Variants in IFT46 observed in about 807,000 individuals in gnomAD.
IFT46 encodes the protein intraflagellar transport protein 46 homolog.
In IFT46, 19 loss-of-function variants were observed where a neutral mutation model predicts 39.6. That is an observed-to-expected ratio of 0.48 (90% CI 0.33 to 0.70). The LOEUF (loss-of-function observed/expected upper bound fraction) is 0.70, where lower values mean the gene tolerates loss of function less well. Ranked by LOEUF, IFT46 falls within the 30% of genes least tolerant of loss-of-function variation. The pLI is 0.01. For missense variants in IFT46, 334 were observed against 364.8 expected, an observed-to-expected ratio of 0.92 and a Z score of 0.69; for synonymous variants, 117 against 134.8, an observed-to-expected ratio of 0.87 and a Z score of 0.91.
At chr11:118,563,538 T>C (rs1159066979) in intron 2 of IFT46, among the ~76,000 whole-genome samples, 1 of 152,196 alleles carries the variant, frequency 6.6e-6, no homozygotes, top group African/African-American at 2.4e-5. Context: ...TCTGCGACAA[T>C]GTCTTATACC....
At chr11:118,546,486 T>TAA (rs373375710) in intron 9 of IFT46, 4,821 of 212,788 alleles carry the variant, frequency 0.023, 235 homozygotes, top group African/African-American at 0.1. Context: ...TAATACCCTG[T>TAA]AAAAAAAAAG....
At chr11:118,559,958 T>C (rs1937980637) in intron 2 of IFT46, 94 bp from the exon 3 acceptor site, 1 of 717,698 alleles carries the variant, frequency 1.4e-6, no homozygotes, top group Non-Finnish European at 2.4e-6. Context: ...CTAACCATTT[T>C]ATAAAACAAG....
chr11:118,558,150 CA>C (rs782367316), intron 3 of IFT46, among the ~76,000 whole-genome samples: 1 of 152,158 alleles, frequency 6.6e-6, no homozygotes, highest in Non-Finnish European at 1.5e-5. Flanking sequence ...ATATGCATGG[CA>C]GATAATGAAA....
intron 9 of IFT46, among the ~76,000 whole-genome samples, chr11:118,547,744 C>CTTTTTTTTTTTTTTT (rs1233612951): frequency 9.9e-5 from 9 of 91,190 alleles, no homozygotes; most frequent in African/African-American, 2.3e-4. Flanking sequence ...CTTTTCTTTT[C>CTTTTTTTTTTTTTTT]TTTTTTTTTT....
At chr11:118,575,941 T>C (rs1048071519), upstream of IFT46, among the ~76,000 whole-genome samples, 1 of 151,950 alleles carries the variant, frequency 6.6e-6, no homozygotes, top group Admixed American at 6.6e-5. Flanking sequence ...GGGTATAAAA[T>C]GGAAGTATTG....
chr11:118,571,695 C>A (rs1938339278), intron 1 of IFT46, among the ~76,000 whole-genome samples: 1 of 152,188 alleles, frequency 6.6e-6, no homozygotes, highest in Non-Finnish European at 1.5e-5. Context: ...CTATTCAAAT[C>A]TTTTGCTCAT....
At chr11:118,574,657 A>G (rs1253020170), upstream of IFT46, among the ~76,000 whole-genome samples, 7 of 152,244 alleles carry the variant, frequency 4.6e-5, no homozygotes, top group African/African-American at 9.6e-5. Context: ...AGAATGTCCT[A>G]GACTGCAAAG....
At chr11:118,571,131 T>C (rs10892243) in intron 1 of IFT46, among the ~76,000 whole-genome samples, 25,160 of 152,094 alleles carry the variant, frequency 0.17, 2,656 homozygotes, top group East Asian at 0.53. Flanking sequence ...CCCCTGGAAA[T>C]CACTAAGCTA....
rs574482897 is a variant in IFT46, at chr11:118,558,538, C to T, written c.45+1247G>A. ...TGAACCCTGGAGGCGGAGGTTGCAG[C>T]GAGCTGAGGTCATGCCACTACACTC... is the stretch of plus-strand genomic sequence containing the variant. On this transcript the variant is annotated intron_variant, in intron 3 of 11. Coordinates refer to ENST00000264021, the MANE Select transcript of IFT46 (RefSeq NM_001168618.2). 6.0e-5 allele frequency among the ~76,000 whole-genome samples: 9 copies of T among 150,600 alleles called. No individual in the cohort carries two copies. The East Asian group carries it at 1.0e-3, about 17-fold the overall frequency.
intron 9 of IFT46, 111 bp from the exon 10 acceptor site, chr11:118,545,964 T>C (rs1555067041): frequency 2.3e-6 from 2 of 875,680 alleles, no homozygotes; most frequent in Non-Finnish European, 3.9e-6. Context: ...GGTTATGGGC[T>C]GAAATGTGTT....
chr11:118,563,681 C>T (rs1938136843), intron 2 of IFT46, among the ~76,000 whole-genome samples: 1 of 152,190 alleles, frequency 6.6e-6, no homozygotes, highest in Non-Finnish European at 1.5e-5. Flanking sequence ...TATTGTGCTT[C>T]CTGCCCTACC....
At chr11:118,555,785 T>G (rs1166462101) in intron 4 of IFT46, among the ~76,000 whole-genome samples, 1 of 151,862 alleles carries the variant, frequency 6.6e-6, no homozygotes, top group Admixed American at 6.6e-5. Flanking sequence ...TAGCCAGGTG[T>G]GGTGGTGCAC....
At chr11:118,562,548 T>C (rs979394775) in intron 2 of IFT46, among the ~76,000 whole-genome samples, 1 of 152,042 alleles carries the variant, frequency 6.6e-6, no homozygotes, top group Non-Finnish European at 1.5e-5. Context: ...AATTAAACCC[T>C]TTTTTTATTT....
chr11:118,549,682 G>A (rs966356849), intron 9 of IFT46, among the ~76,000 whole-genome samples: 16 of 151,378 alleles, frequency 1.1e-4, no homozygotes, highest in African/African-American at 3.4e-4. Context: ...GCACCACCAC[G>A]CCTGGCTAAT....
At chr11:118,572,469 C>G (rs1938365103) in intron 1 of IFT46, 2 of 1,527,440 alleles carry the variant, frequency 1.3e-6, no homozygotes, top group Admixed American at 1.8e-5. Context: ...TCCAGAGCTG[C>G]TGGTGCTCCC....
rs541438912 is a variant in IFT46, at chr11:118,572,829, G to A, written c.-366C>T. On this transcript the variant is annotated 5_prime_UTR_variant, in exon 1 of 6. Coordinates refer to the IFT46 transcript ENST00000528378. ...GGACCTGCCCCTGAGACGGCCCGGCGTTTTTGCTCTGCGAGAACTTCGTGG... is the reference window on the plus strand; with the variant it reads ...GGACCTGCCCCTGAGACGGCCCGGCATTTTTGCTCTGCGAGAACTTCGTGG... The A allele has an allele frequency of 1.9e-5, 8 of 429,368 alleles. No homozygotes were observed. In the South Asian group the frequency reaches 3.4e-4, roughly 18 times the overall value. The allele number at this position is 429,368 out of a possible 1,614,324, so 26.6% of individuals were successfully genotyped here. A position where few individuals can be genotyped will look rare whatever the true frequency, so the allele number is the denominator to read the frequency against.
At chr11:118,553,619 T>TA (rs1193799081) in intron 7 of IFT46, among the ~76,000 whole-genome samples, 6 of 152,264 alleles carry the variant, frequency 3.9e-5, no homozygotes, top group African/African-American at 1.2e-4. Context: ...TGGCTAAACA[T>TA]AGAGTTTCCA....
Position 118,556,941 on chromosome 11 carries a change from A to G in IFT46, c.150T>C (p.Asp50=), listed in dbSNP as rs147095152. The G allele has an allele frequency of 1.9e-6, 3 of 1,609,364 alleles. No individual in the cohort carries two copies. Among genetic ancestry groups the G allele is most frequent in the Non-Finnish European group, 2.5e-6 (3 of 1,177,402 alleles). ...GGGCTCCATGCTCTTCATCATCATC[A>G]TCAGAATCAGAATCAGTTTCAGATG... The part of the protein sequence containing the change: ...DDSSETDSDS[D]DDDEEHGAPL... The change falls in exon 4 of 12, where the codon GAT becomes GAC. Residue 50 remains aspartate (D), a synonymous_variant. Transcript: ENST00000264021.
At position 118,544,818 on chromosome 11, in the gene IFT46, G is replaced by C. The variant is rs1565341882; in HGVS notation, c.*98C>G. On this transcript the variant is annotated 3_prime_UTR_variant, in exon 12 of 12. Transcript: ENST00000264021. Reference sequence around the variant, plus strand: ...ATGCACTGCCCCTGAGCCAAGCTGTGGCATGGGCAAGGACATCAAGTAGCT... The same window carrying C: ...ATGCACTGCCCCTGAGCCAAGCTGTCGCATGGGCAAGGACATCAAGTAGCT... The C allele has an allele frequency of 1.2e-6, 1 of 831,316 alleles. No homozygotes were observed. Among genetic ancestry groups the C allele is most frequent in the Non-Finnish European group, 2.0e-6 (1 of 491,674 alleles). 51.5% of individuals were successfully genotyped at this position (831,316 alleles called of 1,614,324 possible).
Sources: allele counts gnomAD v4.1 joint callset (sites outside exome capture counted in the v4.1 genomes callset), GRCh38; gene constraint gnomAD v4.1.1; transcripts MANE v1.5; gene names NCBI Gene and HGNC (gene_info 2026-07-23, HGNC 2026-07-21).